Variants in RUNX1 observed in about 807,000 individuals in gnomAD.
RUNX1 encodes the protein runt-related transcription factor 1.
A neutral mutation model predicts 42.8 loss-of-function variants in RUNX1; 19 were observed. That is an observed-to-expected ratio of 0.44 (90% CI 0.31 to 0.65). The LOEUF (loss-of-function observed/expected upper bound fraction) is 0.65, where lower values mean the gene tolerates loss of function less well. Among genes scored for constraint, RUNX1 ranks in the 30% least tolerant of loss-of-function variants. The pLI is 0.07. For missense variants in RUNX1, 528 were observed against 672.0 expected, an observed-to-expected ratio of 0.79 and a Z score of 2.37; for synonymous variants, 271 against 289.4, an observed-to-expected ratio of 0.94 and a Z score of 0.64.
chr21:34,938,784 CTAT>C (rs2058505407), intron 2 of RUNX1, among the ~76,000 whole-genome samples: 1 of 152,126 alleles, frequency 6.6e-6, no homozygotes, highest in Non-Finnish European at 1.5e-5. Flanking sequence ...ATTACAATCC[CTAT>C]TATGTTTTTG....
chr21:34,891,732 C>T (rs2058082957), intron 3 of RUNX1, among the ~76,000 whole-genome samples: 1 of 151,436 alleles, frequency 6.6e-6, no homozygotes, highest in African/African-American at 2.4e-5. Context: ...TACAACGAAG[C>T]GATACGTTGG....
At chr21:34,964,467 G>A (rs1220039145) in intron 2 of RUNX1, among the ~76,000 whole-genome samples, 3 of 144,414 alleles carry the variant, frequency 2.1e-5, no homozygotes, top group Non-Finnish European at 4.5e-5. Context: ...CAGCCTGAGC[G>A]ACAGAGCGAG....
chr21:34,800,940 G>A (rs1377777431), intron 7 of RUNX1, among the ~76,000 whole-genome samples: 1 of 152,060 alleles, frequency 6.6e-6, no homozygotes, highest in East Asian at 1.9e-4. Flanking sequence ...GAGCTGGCAA[G>A]GAACAAAAGG....
chr21:35,016,343 A>C (rs1483534758), intron 2 of RUNX1, among the ~76,000 whole-genome samples: 1 of 152,160 alleles, frequency 6.6e-6, no homozygotes, highest in African/African-American at 2.4e-5. Flanking sequence ...CTTCTCTCCT[A>C]AAGAGCACTG....
At chr21:34,803,257 T>C (rs892772882) in intron 7 of RUNX1, among the ~76,000 whole-genome samples, 4 of 152,048 alleles carry the variant, frequency 2.6e-5, no homozygotes, top group African/African-American at 9.7e-5. Context: ...TAAAAAATAC[T>C]GGATTCAGGG....
chr21:34,798,864 G>A (rs549879646), intron 8 of RUNX1, among the ~76,000 whole-genome samples: 2 of 152,228 alleles, frequency 1.3e-5, no homozygotes, highest in South Asian at 2.1e-4. Context: ...TGGATACCAA[G>A]GGGCGGCTGT....
intron 2 of RUNX1, among the ~76,000 whole-genome samples, chr21:34,926,640 G>A (rs533736494): frequency 3.3e-5 from 5 of 151,596 alleles, no homozygotes; most frequent in Non-Finnish European, 5.9e-5. Flanking sequence ...AAGCTCTTTG[G>A]GGTTTCTTAT....
chr21:34,851,946 C>T (rs1464763639), intron 6 of RUNX1, among the ~76,000 whole-genome samples: 2 of 152,174 alleles, frequency 1.3e-5, no homozygotes, highest in Non-Finnish European at 2.9e-5. Flanking sequence ...GCGGGTGGAT[C>T]AGCTGAGGTC....
At chr21:34,963,311 C>A (rs961812995) in intron 2 of RUNX1, among the ~76,000 whole-genome samples, 8 of 152,180 alleles carry the variant, frequency 5.3e-5, no homozygotes, top group Non-Finnish European at 8.8e-5. Context: ...ACTCCTCCCC[C>A]CGGCACATCT....
chr21:34,972,445 A>T (rs1358451276), intron 2 of RUNX1, among the ~76,000 whole-genome samples: 1 of 152,214 alleles, frequency 6.6e-6, no homozygotes, highest in African/African-American at 2.4e-5. Flanking sequence ...TGTACAATAT[A>T]CATTGCCCTA....
intron 5 of RUNX1, among the ~76,000 whole-genome samples, chr21:34,868,516 C>G (rs1438334811): frequency 6.6e-6 from 1 of 152,204 alleles, no homozygotes; most frequent in African/African-American, 2.4e-5. Context: ...TCTCTCAGCT[C>G]CCAACAGGCC....
intron 2 of RUNX1, among the ~76,000 whole-genome samples, chr21:34,965,755 T>C (rs767952614): frequency 2.0e-5 from 3 of 152,186 alleles, no homozygotes; most frequent in Admixed American, 6.5e-5. Context: ...AGGGGAGTCC[T>C]GTGAAGCTGG....
In RUNX1 at chr21:34,843,193, T is replaced by C. The variant is rs113996067; in HGVS notation, c.614-8592A>G. On this transcript the variant is annotated intron_variant, in intron 6 of 8. Transcript: ENST00000675419. The surrounding 1 kb of genome is among the most constrained non-coding windows in gnomAD (Gnocchi z 4.8). The stretch of plus-strand genomic sequence containing the variant: ...ATGTAAACACATACAGACACACACA[T>C]ACACAGACACCTGGACACACACACA... 0.029 allele frequency among the ~76,000 whole-genome samples: 4,338 copies of C among 151,252 alleles called. 72 individuals carry two copies. The highest frequency in any genetic ancestry group is 0.045 in the African/African-American group (1,856 of 41,136).
rs746531841 is a variant in RUNX1, at chr21:34,792,605, G to A, written c.973C>T (p.Pro325Ser). Residue 325 changes from proline (P) to serine (S), a missense_variant, in exon 9 of 9, where the codon CCC becomes TCC. Transcript: ENST00000675419. The surrounding 1 kb of genome is among the most constrained non-coding windows in gnomAD (Gnocchi z 6.9). ...AELSSRLSTA[P>S]DLTAFSDPRQ... ...GGGTCGCTGAACGCTGTCAGGTCGG[G>A]TGCCGCTGCAGGGCGGGCAAGAGAA... 1.9e-6 allele frequency: 3 copies of A among 1,589,438 alleles called. No homozygotes were observed. The highest frequency in any genetic ancestry group is 2.3e-5 in the East Asian group (1 of 43,690).
intron 7 of RUNX1, among the ~76,000 whole-genome samples, chr21:34,831,363 T>C (rs946472089): frequency 2.6e-5 from 4 of 152,210 alleles, no homozygotes; most frequent in Non-Finnish European, 2.9e-5. Context: ...TCTCAATCTG[T>C]ACCGTGCTTC....
chr21:34,865,279 CGTGTGTGTGTGTGTGTGTGTGT>C (rs61238560), intron 5 of RUNX1, among the ~76,000 whole-genome samples: 3,814 of 132,468 alleles, frequency 0.029, 162 homozygotes, highest in African/African-American at 0.1. Context: ...GGGTTTTGTG[CGTGTGTGTGTGTGTGTGTGTGT>C]GTGTGTGTGT....
chr21:34,964,883 C>T (rs1267803891), intron 2 of RUNX1, among the ~76,000 whole-genome samples: 1 of 152,186 alleles, frequency 6.6e-6, no homozygotes, highest in African/African-American at 2.4e-5. Flanking sequence ...GCTCTCAGCA[C>T]ACACGTACAC....
At chr21:34,839,531 G>T (rs2057200549) in intron 6 of RUNX1, among the ~76,000 whole-genome samples, 1 of 152,200 alleles carries the variant, frequency 6.6e-6, no homozygotes, top group Admixed American at 6.5e-5. Flanking sequence ...GAAAGCACTT[G>T]AACTTTTGCA....
rs180889111 is a variant in RUNX1, at chr21:34,893,394, C to T, written c.59-431G>A. ...TGATAGGACATTTTAGAAACATTTT[C>T]CCCTGCTTACTCTCCTTCCCTTCTC... On this transcript the variant is annotated intron_variant, in intron 2 of 8. Transcript: ENST00000675419. 2.0e-5 allele frequency among the ~76,000 whole-genome samples: 3 copies of T among 152,288 alleles called. No individual in the cohort carries two copies. The East Asian group carries it at 5.8e-4, about 29-fold the overall frequency.
Sources: allele counts gnomAD v4.1 joint callset (sites outside exome capture counted in the v4.1 genomes callset), GRCh38; gene constraint gnomAD v4.1.1; non-coding constraint Gnocchi (gnomAD v3.1); transcripts MANE v1.5; gene names NCBI Gene and HGNC (gene_info 2026-07-23, HGNC 2026-07-21).